PUM1: variants seen among roughly 807,000 people sequenced by gnomAD.
PUM1 encodes pumilio RNA binding family member 1.
PUM1 carries 13 observed loss-of-function variants against 131.8 expected under a neutral mutation model. The observed-to-expected ratio is 0.10, with a 90% CI of 0.06 to 0.16. The LOEUF is 0.16. PUM1 is among the 10% of genes least tolerant of loss of function. The pLI is 1.00. For synonymous variants in PUM1, 509 were observed against 556.5 expected (o/e 0.91, Z 1.20); for missense variants, 961 against 1,512.4 (o/e 0.64, Z 6.05).
chr1:31,047,700 T>C (rs1173729861), intron 2 of PUM1, among the ~76,000 whole-genome samples: 1 of 152,176 alleles, frequency 6.6e-6, no homozygotes, highest in Non-Finnish European at 1.5e-5. Flanking sequence ...CCCAGCACTC[T>C]GGGAGGTGGA....
At chr1:30,984,112 A>C (rs915966347) in intron 7 of PUM1, among the ~76,000 whole-genome samples, 2 of 152,236 alleles carry the variant, frequency 1.3e-5, no homozygotes, top group African/African-American at 4.8e-5. Flanking sequence ...AAGAGACCCC[A>C]TATAGCCTAT....
intron 9 of PUM1, among the ~76,000 whole-genome samples, chr1:30,976,321 C>T (rs1641136517): frequency 6.6e-6 from 1 of 152,156 alleles, no homozygotes; most frequent in Admixed American, 6.5e-5. Flanking sequence ...GGCTCAAAGT[C>T]AATTCTTCAA....
intron 5 of PUM1, among the ~76,000 whole-genome samples, chr1:31,000,913 A>G (rs1443409028): frequency 6.6e-6 from 1 of 151,866 alleles, no homozygotes; most frequent in East Asian, 2.0e-4. Flanking sequence ...TGGGCCGGGC[A>G]CAGTGGCTCA....
intron 10 of PUM1, among the ~76,000 whole-genome samples, chr1:30,974,187 CAAAT>C (rs1285740538): frequency 2.6e-5 from 4 of 152,026 alleles, no homozygotes; most frequent in Non-Finnish European, 4.4e-5. Flanking sequence ...TTTCTCAACT[CAAAT>C]AAAAAGCTAA....
At chr1:30,946,962 TATG>T (rs565388516) in intron 17 of PUM1, among the ~76,000 whole-genome samples, 113 of 152,294 alleles carry the variant, frequency 7.4e-4, no homozygotes, top group African/African-American at 2.6e-3. Flanking sequence ...GTGTTTTTAT[TATG>T]ATAACTCTGT....
At chr1:31,041,782 C>T (rs1293724974) in intron 2 of PUM1, among the ~76,000 whole-genome samples, 1 of 152,084 alleles carries the variant, frequency 6.6e-6, no homozygotes, top group African/African-American at 2.4e-5. Flanking sequence ...GTCTGCAAAA[C>T]TGAGACAAAT....
chr1:30,936,904 A>G, intron 20 of PUM1, 69 bp from the exon 21 acceptor site: 1 of 1,384,704 alleles, frequency 7.2e-7, no homozygotes, highest in Non-Finnish European at 9.9e-7. Context: ...GTGCTTGCCT[A>G]GCTTCTGCCC....
intron 21 of PUM1, 86 bp from the exon 22 acceptor site, chr1:30,933,428 T>A: frequency 1.1e-6 from 1 of 950,310 alleles, no homozygotes; most frequent in Admixed American, 2.0e-5. Context: ...ATGTCATGCA[T>A]CACACACACA....
Position 30,942,089 on chromosome 1 carries a change from C to T in PUM1, c.3029G>A (p.Arg1010Gln). The change falls in exon 19 of 22, where the codon CGA becomes CAA. Residue 1010 changes from arginine to glutamine, a missense_variant. By Grantham distance (43) the Arg-to-Gln change is conservative. Transcript: ENST00000426105. ...GTGCTCCAGGATTCTCTGAATCACT[C>T]GGCAGCCATAAGGATGTGTGGATAA... ...FALSTHPYGC[R>Q]VIQRILEHCL... 1 of 1,586,892 alleles carries T rather than the reference C, an allele frequency of 6.3e-7. No individual in the cohort carries two copies. Among genetic ancestry groups the T allele is most frequent in the Non-Finnish European group, 8.6e-7 (1 of 1,164,054 alleles).
chr1:30,966,312 A>C (rs758094118), intron 12 of PUM1, 34 bp from the exon 13 acceptor site: 4 of 1,534,664 alleles, frequency 2.6e-6, no homozygotes, highest in African/African-American at 1.4e-5. Context: ...TTGGCTATGA[A>C]AGGGACTGGC....
intron 1 of PUM1, chr1:31,061,897 C>G (rs955303400): frequency 6.6e-6 from 1 of 152,232 alleles, no homozygotes; most frequent in Middle Eastern, 3.1e-3. Flanking sequence ...AGGCTGCACA[C>G]CCGCTTGGGC....
At chr1:30,993,853 T>C (rs1354452395) in intron 6 of PUM1, among the ~76,000 whole-genome samples, 2 of 152,158 alleles carry the variant, frequency 1.3e-5, no homozygotes, top group East Asian at 3.9e-4. Flanking sequence ...GGCAGACCAC[T>C]TGAGCTCAGG....
chr1:30,933,061 G>T lies in PUM1; in HGVS notation c.*150C>A. On this transcript the variant is annotated 3_prime_UTR_variant, in exon 22 of 22. Coordinates refer to ENST00000426105, the MANE Select transcript of PUM1 (RefSeq NM_001020658.2). ...ATTTACAAAGGCTTTTCCACTCGTG[G>T]ATTTGATTCCTTTTTTGGAGGAGGG... 1 of 966,676 alleles carries T rather than the reference G, an allele frequency of 1.0e-6. No homozygotes were observed. Among genetic ancestry groups the T allele is most frequent in the Non-Finnish European group, 1.5e-6 (1 of 665,450 alleles). 59.9% of individuals were successfully genotyped at this position (966,676 alleles called of 1,614,324 possible). A position where few individuals can be genotyped will look rare whatever the true frequency, so the allele number is the denominator to read the frequency against.
chr1:31,037,016 C>G (rs56255535), intron 2 of PUM1: 11,924 of 167,400 alleles, frequency 0.071, 720 homozygotes, highest in East Asian at 0.27. Flanking sequence ...GTTTTTTGTG[C>G]TGAGAACAGA....
intron 2 of PUM1, among the ~76,000 whole-genome samples, chr1:31,030,134 G>A (rs774127254): frequency 7.2e-5 from 11 of 151,852 alleles, no homozygotes; most frequent in South Asian, 2.1e-4. Flanking sequence ...ACTTGAACCC[G>A]GGAGGCAGAG....
chr1:30,982,876 G>T (rs923724324), intron 7 of PUM1, among the ~76,000 whole-genome samples: 1 of 152,166 alleles, frequency 6.6e-6, no homozygotes, highest in Admixed American at 6.5e-5. Flanking sequence ...TGCTTTTGGA[G>T]TATGAATGTC....
chr1:30,992,280 GGA>G, intron 7 of PUM1, 108 bp downstream of exon 7: 4 of 1,403,336 alleles, frequency 2.9e-6, no homozygotes, highest in Admixed American at 2.1e-5. Context: ...GGCTAGCTAT[GGA>G]TAGCCTGAAA....
intron 17 of PUM1, among the ~76,000 whole-genome samples, chr1:30,947,447 G>C (rs543404220): frequency 5.3e-5 from 8 of 152,168 alleles, no homozygotes; most frequent in Non-Finnish European, 8.8e-5. Context: ...AACAAAGGAA[G>C]TAAATGAAAT....
intron 3 of PUM1, among the ~76,000 whole-genome samples, chr1:31,020,278 T>C (rs1411024175): frequency 6.6e-6 from 1 of 152,210 alleles, no homozygotes; most frequent in Non-Finnish European, 1.5e-5. Context: ...GTGTACCACA[T>C]GTTCCTTATC....
Sources: allele counts gnomAD v4.1 joint callset (sites outside exome capture counted in the v4.1 genomes callset), GRCh38; gene constraint gnomAD v4.1.1; transcripts MANE v1.5; gene names NCBI Gene and HGNC (gene_info 2026-07-23, HGNC 2026-07-21).